KCNH8: variants seen among roughly 807,000 people sequenced by gnomAD.
The protein encoded by KCNH8 is voltage-gated delayed rectifier potassium channel KCNH8.
A neutral mutation model predicts 103.6 loss-of-function variants in KCNH8; 70 were observed. The observed-to-expected ratio is 0.68, with a 90% CI of 0.56 to 0.82. The LOEUF is 0.82. Ranked by LOEUF, KCNH8 falls within the 40% of genes least tolerant of loss-of-function variation. The pLI is 0.00. For synonymous variants in KCNH8, 498 were observed against 489.4 expected (o/e 1.02, Z -0.23); for missense variants, 1,217 against 1,329.9 (o/e 0.92, Z 1.32).
intron 7 of KCNH8, among the ~76,000 whole-genome samples, chr3:19,435,036 C>T (rs2067177501): frequency 6.6e-6 from 1 of 151,914 alleles, no homozygotes; most frequent in Admixed American, 6.6e-5. Flanking sequence ...CTTAAATGTT[C>T]TCACCACACA....
Position 19,408,973 on chromosome 3 carries a change from T to G in KCNH8, c.1177+13662T>G, listed in dbSNP as rs146004495. ...AGGTAATCATTCAAGAAAATGTCCC[T>G]AATCTTACTAGAGAGGTAGAAATTC... On this transcript the variant is annotated intron_variant, in intron 7 of 15. Coordinates refer to ENST00000328405, the MANE Select transcript of KCNH8 (RefSeq NM_144633.3). Among the ~76,000 whole-genome samples, 442 of 152,242 alleles carry G rather than the reference T, an allele frequency of 2.9e-3. 4 individuals are homozygous for G. Among genetic ancestry groups the G allele is most frequent in the African/African-American group, 0.01 (430 of 41,562 alleles).
chr3:19,316,366 C>T (rs908606344), intron 3 of KCNH8, among the ~76,000 whole-genome samples: 1 of 151,882 alleles, frequency 6.6e-6, no homozygotes, highest in South Asian at 2.1e-4. Flanking sequence ...GGTAAAATCT[C>T]CCCTGGTTGA....
chr3:19,312,766 T>C (rs2065222697), intron 3 of KCNH8, among the ~76,000 whole-genome samples: 1 of 151,988 alleles, frequency 6.6e-6, no homozygotes, highest in Admixed American at 6.6e-5. Context: ...GCTCCACTGC[T>C]TTTACGGATC....
At chr3:19,356,883 A>G (rs2065888059) in intron 5 of KCNH8, among the ~76,000 whole-genome samples, 1 of 151,390 alleles carries the variant, frequency 6.6e-6, no homozygotes, top group African/African-American at 2.4e-5. Context: ...AAGAAAGACC[A>G]CCTCCTTTTC....
intron 7 of KCNH8, among the ~76,000 whole-genome samples, chr3:19,424,337 G>A (rs940845973): frequency 1.3e-5 from 2 of 151,952 alleles, no homozygotes; most frequent in African/African-American, 4.8e-5. Context: ...CTTCAACAAA[G>A]CAAACAAAAA....
At chr3:19,365,913 G>T (rs1015389441) in intron 5 of KCNH8, among the ~76,000 whole-genome samples, 8 of 152,014 alleles carry the variant, frequency 5.3e-5, no homozygotes, top group Non-Finnish European at 1.0e-4. Context: ...TGTATCTCTT[G>T]ATGAAGAACA....
chr3:19,433,132 TC>T (rs540218505), intron 7 of KCNH8, among the ~76,000 whole-genome samples: 1 of 152,186 alleles, frequency 6.6e-6, no homozygotes, highest in Non-Finnish European at 1.5e-5. Flanking sequence ...TTCAAAAACT[TC>T]CTATCGTACA....
chr3:19,470,682 G>A (rs917996570), intron 11 of KCNH8, among the ~76,000 whole-genome samples: 1 of 152,146 alleles, frequency 6.6e-6, no homozygotes, highest in Non-Finnish European at 1.5e-5. Flanking sequence ...TGAGATAAGA[G>A]ACAAGAACGA....
chr3:19,334,324 T>G (rs1430237995), intron 3 of KCNH8, among the ~76,000 whole-genome samples: 2 of 152,240 alleles, frequency 1.3e-5, no homozygotes, highest in African/African-American at 2.4e-5. Flanking sequence ...GCAGAACCTG[T>G]CTTTTTATTT....
At chr3:19,164,843 A>C (rs2063267164) in intron 1 of KCNH8, among the ~76,000 whole-genome samples, 1 of 152,232 alleles carries the variant, frequency 6.6e-6, no homozygotes, top group South Asian at 2.1e-4. Context: ...TTTTTACCTA[A>C]GGAGTAATAA....
chr3:19,155,930 A>G (rs2063176898), intron 1 of KCNH8, among the ~76,000 whole-genome samples: 1 of 152,210 alleles, frequency 6.6e-6, no homozygotes, highest in South Asian at 2.1e-4. Flanking sequence ...CTTATAGTTG[A>G]AATGGTCTTT....
intron 8 of KCNH8, among the ~76,000 whole-genome samples, chr3:19,444,745 G>T (rs1230498111): frequency 6.7e-6 from 1 of 149,510 alleles, no homozygotes; most frequent in Non-Finnish European, 1.5e-5. Flanking sequence ...CATATACAAA[G>T]GTGCTCAATG....
intron 4 of KCNH8, among the ~76,000 whole-genome samples, chr3:19,343,987 T>A (rs1286084743): frequency 3.4e-5 from 5 of 149,114 alleles, no homozygotes; most frequent in Non-Finnish European, 7.4e-5. Context: ...ACGCTTTGAT[T>A]TTTTTTTTTT....
intron 1 of KCNH8, among the ~76,000 whole-genome samples, chr3:19,252,998 T>G (rs2064298800): frequency 6.6e-6 from 1 of 152,134 alleles, no homozygotes; most frequent in African/African-American, 2.4e-5. Context: ...AGGAGTGAAC[T>G]TTAACCAATT....
chr3:19,531,143 G>A (rs191352365), intron 15 of KCNH8, among the ~76,000 whole-genome samples: 7 of 152,322 alleles, frequency 4.6e-5, no homozygotes, highest in Admixed American at 2.0e-4. Flanking sequence ...ATTGGGAAAT[G>A]AACTAATGTA....
At position 19,399,474 on chromosome 3, in the gene KCNH8, A is replaced by G. The variant is rs188224879; in HGVS notation, c.1177+4163A>G. ...TAATGTGAGTTCTGATTTGCAGCTC[A>G]AAAGCTTCAGGTCTGAATCCTGCTT... is the stretch of plus-strand genomic sequence containing the variant. On this transcript the variant is annotated intron_variant, in intron 7 of 15. Transcript: ENST00000328405. Among the ~76,000 whole-genome samples, 947 of 152,094 alleles carry G rather than the reference A, an allele frequency of 6.2e-3. 6 individuals are homozygous for G. The highest frequency in any genetic ancestry group is 0.021 in the African/African-American group (891 of 41,536).
At chr3:19,393,592 C>A (rs1455585829) in intron 6 of KCNH8, among the ~76,000 whole-genome samples, 1 of 151,944 alleles carries the variant, frequency 6.6e-6, no homozygotes. Flanking sequence ...ATTCATCTAC[C>A]TGTAAAATAA....
chr3:19,410,534 A>G (rs2066760518), intron 7 of KCNH8, among the ~76,000 whole-genome samples: 1 of 152,086 alleles, frequency 6.6e-6, no homozygotes, highest in African/African-American at 2.4e-5. Context: ...GAAAATAAAT[A>G]ACAAAAATCG....
chr3:19,441,351 A>G (rs906555530), intron 8 of KCNH8, among the ~76,000 whole-genome samples: 3 of 152,084 alleles, frequency 2.0e-5, no homozygotes, highest in African/African-American at 7.2e-5. Flanking sequence ...CTTTTTATTT[A>G]TTCAGCCTTC....
Sources: gnomAD v4.1 joint callset for allele counts (sites outside exome capture counted in the v4.1 genomes callset) on GRCh38, gnomAD v4.1.1 for gene constraint, MANE v1.5 for transcripts, NCBI Gene and HGNC (gene_info 2026-07-23, HGNC 2026-07-21) for gene names.